Variants in FKBP5 observed in about 807,000 individuals in gnomAD.
The protein encoded by FKBP5 is peptidyl-prolyl cis-trans isomerase FKBP5.
In FKBP5, 23 loss-of-function variants were observed where a neutral mutation model predicts 50.5. The observed-to-expected ratio is 0.46, with a 90% CI of 0.33 to 0.65. FKBP5 has a LOEUF of 0.65. Among genes scored for constraint, FKBP5 ranks in the 30% least tolerant of loss-of-function variants. The pLI, the probability that FKBP5 is intolerant of heterozygous loss-of-function variation, is 0.02. For synonymous variants in FKBP5, 176 were observed against 190.6 expected, an observed-to-expected ratio of 0.92 and a Z score of 0.63; for missense variants, 411 against 553.1, an observed-to-expected ratio of 0.74 and a Z score of 2.58.
chr6:35,651,462 C>T (rs370365837), intron 1 of FKBP5, among the ~76,000 whole-genome samples: 86 of 152,152 alleles, frequency 5.7e-4, no homozygotes, highest in Admixed American at 2.0e-4. Flanking sequence ...GGTGCTTGTG[C>T]GATGTCCAGA....
chr6:35,697,649 T>C (rs928978075), intron 2 of FKBP5, among the ~76,000 whole-genome samples: 1 of 152,140 alleles, frequency 6.6e-6, no homozygotes, highest in Non-Finnish European at 1.5e-5. Context: ...ATATCTCATA[T>C]TATATGATTA....
At chr6:35,634,094 T>C (rs1160952421) in intron 3 of FKBP5, among the ~76,000 whole-genome samples, 3 of 152,160 alleles carry the variant, frequency 2.0e-5, no homozygotes, top group Non-Finnish European at 4.4e-5. Flanking sequence ...GTAGAGAAGA[T>C]ACCAATATAA....
intron 7 of FKBP5, 78 bp from the exon 8 acceptor site, chr6:35,587,195 C>G: frequency 7.7e-7 from 1 of 1,299,946 alleles, no homozygotes; most frequent in Non-Finnish European, 1.1e-6. Flanking sequence ...CAAAGAGCAG[C>G]TAATTCTAGA....
intron 1 of FKBP5, among the ~76,000 whole-genome samples, chr6:35,648,475 T>C (rs955439072): frequency 6.6e-6 from 1 of 151,936 alleles, no homozygotes; most frequent in Non-Finnish European, 1.5e-5. Context: ...AGGGTCTCAC[T>C]ATGTTGCCCA....
chr6:35,640,737 T>C (rs1422463374), intron 2 of FKBP5, among the ~76,000 whole-genome samples: 1 of 152,220 alleles, frequency 6.6e-6, no homozygotes, highest in Non-Finnish European at 1.5e-5. Context: ...AGCATTTTTC[T>C]GTTTTTTAAA....
At chr6:35,614,158 T>G (rs1483359311) in intron 5 of FKBP5, among the ~76,000 whole-genome samples, 1 of 152,160 alleles carries the variant, frequency 6.6e-6, no homozygotes, top group East Asian at 1.9e-4. Context: ...CCTCCCAAAG[T>G]GCTGGGATTA....
At chr6:35,609,833 C>T (rs1187969423) in intron 5 of FKBP5, among the ~76,000 whole-genome samples, 1 of 152,108 alleles carries the variant, frequency 6.6e-6, no homozygotes, top group Admixed American at 6.5e-5. Context: ...CCTCCCTTTC[C>T]TTTTTCAGGG....
intron 2 of FKBP5, among the ~76,000 whole-genome samples, chr6:35,705,213 AATATATATATATATATATATATAT>A (rs869253345): frequency 8.4e-5 from 6 of 71,382 alleles, no homozygotes; most frequent in South Asian, 5.3e-4. Flanking sequence ...TATATGTACA[AATATATATATATATATATATATAT>A]ATATATATAT....
At chr6:35,696,073 A>G (rs897419079) in intron 2 of FKBP5, among the ~76,000 whole-genome samples, 1 of 138,688 alleles carries the variant, frequency 7.2e-6, no homozygotes, top group Non-Finnish European at 1.5e-5. Context: ...TGAACCCAGG[A>G]GGCGGAGCTT....
At chr6:35,580,526 CTTTTTTTTTTTTTT>C (rs34594222) in intron 8 of FKBP5, 12 of 54,674 alleles carry the variant, frequency 2.2e-4, no homozygotes, top group East Asian at 6.6e-4. Context: ...ATTCTTTAGT[CTTTTTTTTTTTTTT>C]TTTTTTTTTT....
intron 2 of FKBP5, among the ~76,000 whole-genome samples, chr6:35,698,528 T>C (rs185633092): frequency 1.3e-4 from 19 of 151,704 alleles, no homozygotes; most frequent in Admixed American, 1.1e-3. Flanking sequence ...GAGCCCGTAA[T>C]CCCAGCTTCT....
chr6:35,699,625 G>A lies in FKBP5; in HGVS notation c.-20+20703C>T, dbSNP rs1581893531. 2.6e-5 allele frequency among the ~76,000 whole-genome samples: 4 copies of A among 152,124 alleles called. No individual in the cohort carries two copies. In the East Asian group the frequency reaches 7.7e-4, roughly 29 times the overall value. ...CCTCATCTAAATTAAAGCCAAGTAC[G>A]AATGAGGCTTCAATTTCAATGGATG... is the stretch of plus-strand genomic sequence containing the variant. On this transcript the variant is annotated intron_variant, in intron 2 of 11. Coordinates refer to the FKBP5 transcript ENST00000536438.
chr6:35,617,462 G>C (rs1281440234), intron 5 of FKBP5, among the ~76,000 whole-genome samples: 2 of 151,906 alleles, frequency 1.3e-5, no homozygotes, highest in African/African-American at 4.8e-5. Flanking sequence ...CCAAGTAGCT[G>C]GGACTACAGG....
chr6:35,582,348 C>T (rs774554473), intron 8 of FKBP5: 48 of 940,814 alleles, frequency 5.1e-5, no homozygotes, highest in Non-Finnish European at 5.7e-5. Context: ...TTGAAGCCCT[C>T]ACCCCGAATG....
At chr6:35,637,649 A>T (rs2150987006) in intron 2 of FKBP5, among the ~76,000 whole-genome samples, 1 of 151,950 alleles carries the variant, frequency 6.6e-6, no homozygotes, top group African/African-American at 2.4e-5. Flanking sequence ...TTTTTAGTAG[A>T]GATGGGGTTT....
At chr6:35,622,299 C>T (rs942860771) in intron 3 of FKBP5, among the ~76,000 whole-genome samples, 2 of 151,992 alleles carry the variant, frequency 1.3e-5, no homozygotes, top group African/African-American at 4.8e-5. Flanking sequence ...CACTTGAGCC[C>T]AAGAGTTTTA....
At chr6:35,589,120 ATATATATATTTT>A (rs1762726119) in intron 7 of FKBP5, among the ~76,000 whole-genome samples, 6 of 125,534 alleles carry the variant, frequency 4.8e-5, no homozygotes, top group South Asian at 2.3e-4. Flanking sequence ...TTATATATAT[ATATATATATTTT>A]TTTTTTTTTC....
chr6:35,714,452 C>CAAA (rs371107974), intron 2 of FKBP5, among the ~76,000 whole-genome samples: 25 of 104,882 alleles, frequency 2.4e-4, no homozygotes, highest in African/African-American at 7.9e-4. Flanking sequence ...AACACTGCCT[C>CAAA]AAAAAAAAAA....
rs576573165 is a variant in FKBP5 at position 35,707,341 on chromosome 6, C to T, written c.-20+12987G>A. Among the ~76,000 whole-genome samples the T allele has an allele frequency of 4.6e-5, 7 of 151,008 alleles. No homozygotes were observed. In the East Asian group the frequency reaches 1.4e-3, roughly 29 times the overall value. ...AAGCAATTCTCCTGCCTCAGCCTCC[C>T]GAGTAGCTGGGATTACAGGCATGCA... On this transcript the variant is annotated intron_variant, in intron 2 of 11. Transcript: ENST00000536438.
Sources: allele counts gnomAD v4.1 joint callset (sites outside exome capture counted in the v4.1 genomes callset), GRCh38; gene constraint gnomAD v4.1.1; transcripts MANE v1.5; gene names NCBI Gene and HGNC (gene_info 2026-07-23, HGNC 2026-07-21).